MAGI1: variants seen among roughly 807,000 people sequenced by gnomAD.
MAGI1 encodes the protein membrane associated guanylate kinase, WW and PDZ domain containing 1.
A neutral mutation model predicts 139.9 loss-of-function variants in MAGI1; 58 were observed. The observed-to-expected ratio is 0.41, with a 90% CI of 0.34 to 0.52. The LOEUF is 0.52. Ranked by LOEUF, MAGI1 falls within the 20% of genes least tolerant of loss-of-function variation. The probability of loss-of-function intolerance (pLI) is 0.12; values close to 1 mark genes in which losing one functional copy is unlikely to be tolerated. For missense variants in MAGI1, 1,874 were observed against 1,901.6 expected, an observed-to-expected ratio of 0.99 and a Z score of 0.27; for synonymous variants, 812 against 737.9, an observed-to-expected ratio of 1.10 and a Z score of -1.63.
chr3:66,024,383 G>A lies in MAGI1; in HGVS notation c.313+13613C>T, dbSNP rs1172737192. 8.1e-5 allele frequency among the ~76,000 whole-genome samples: 11 copies of A among 136,480 alleles called. No homozygotes were observed. The South Asian group carries it at 2.5e-3, about 31-fold the overall frequency. The allele number at this position is 136,480 out of a possible 152,430, so 89.5% of individuals were successfully genotyped here. ...TTGAAAACCTGAAAAATCTACACTAGAAACACCGGGCCAATGTTCCTACAT... is the reference window on the plus strand; with the variant it reads ...TTGAAAACCTGAAAAATCTACACTAAAAACACCGGGCCAATGTTCCTACAT... On this transcript the variant is annotated intron_variant, in intron 1 of 22. Coordinates refer to ENST00000402939, the MANE Select transcript of MAGI1 (RefSeq NM_001033057.2).
intron 2 of MAGI1, among the ~76,000 whole-genome samples, chr3:65,495,780 G>A (rs1291383968): frequency 6.6e-6 from 1 of 152,072 alleles, no homozygotes; most frequent in Non-Finnish European, 1.5e-5. Flanking sequence ...ATGAGGAAGA[G>A]CCTGGCTAAT....
At chr3:65,379,130 C>A in intron 17 of MAGI1, 131 bp downstream of exon 17, 3 of 1,535,524 alleles carry the variant, frequency 2.0e-6, no homozygotes, top group Non-Finnish European at 2.6e-6. Context: ...CCAATTAAGT[C>A]TTTAATTACC....
chr3:65,975,010 G>T (rs746079624), intron 1 of MAGI1, among the ~76,000 whole-genome samples: 1 of 151,680 alleles, frequency 6.6e-6, no homozygotes. Flanking sequence ...AGTACCATAG[G>T]CAGGGTTATT....
chr3:65,606,819 G>A (rs761679043), intron 2 of MAGI1, among the ~76,000 whole-genome samples: 5 of 151,746 alleles, frequency 3.3e-5, no homozygotes, highest in South Asian at 2.1e-4. Flanking sequence ...CACCCAGCCC[G>A]GCTAATTTTT....
chr3:65,525,321 T>C (rs910566795), intron 2 of MAGI1, among the ~76,000 whole-genome samples: 1 of 152,180 alleles, frequency 6.6e-6, no homozygotes, highest in Non-Finnish European at 1.5e-5. Context: ...CAACCCTCAG[T>C]AGGTTTTTCT....
At chr3:65,920,658 A>G (rs1384373227) in intron 1 of MAGI1, among the ~76,000 whole-genome samples, 1 of 152,210 alleles carries the variant, frequency 6.6e-6, no homozygotes, top group Non-Finnish European at 1.5e-5. Flanking sequence ...TTCACATTTC[A>G]GAAGAAAATG....
intron 1 of MAGI1, among the ~76,000 whole-genome samples, chr3:65,841,231 T>A (rs913985695): frequency 1.3e-5 from 2 of 152,076 alleles, no homozygotes; most frequent in South Asian, 4.1e-4. Flanking sequence ...AAGAACTAGC[T>A]TTTTGTTTCA....
intron 1 of MAGI1, among the ~76,000 whole-genome samples, chr3:65,981,739 G>A: frequency 6.6e-6 from 1 of 152,098 alleles, no homozygotes; most frequent in East Asian, 1.9e-4. Context: ...GGTTTTATAA[G>A]GGGAAACCCC....
intron 1 of MAGI1, among the ~76,000 whole-genome samples, chr3:65,724,220 G>A (rs995978466): frequency 6.6e-6 from 1 of 152,232 alleles, no homozygotes; most frequent in African/African-American, 2.4e-5. Flanking sequence ...TAGTCATGGA[G>A]AGGGATGCTA....
intron 1 of MAGI1, among the ~76,000 whole-genome samples, chr3:65,765,099 T>C (rs2037356615): frequency 6.6e-6 from 1 of 152,218 alleles, no homozygotes; most frequent in Non-Finnish European, 1.5e-5. Flanking sequence ...ATCATGGAAG[T>C]CAATGGATGG....
intron 1 of MAGI1, chr3:65,873,732 G>A (rs796451793): frequency 6.6e-6 from 1 of 152,192 alleles, no homozygotes; most frequent in African/African-American, 2.4e-5. Flanking sequence ...AAAAAGAATC[G>A]CCTTTTCAAC....
chr3:65,449,865 T>G (rs1948920895), intron 6 of MAGI1, among the ~76,000 whole-genome samples: 1 of 152,118 alleles, frequency 6.6e-6, no homozygotes, highest in Admixed American at 6.5e-5. Context: ...CCATGATAAG[T>G]TCTCAACAGA....
At chr3:65,531,992 C>T (rs894355519) in intron 2 of MAGI1, among the ~76,000 whole-genome samples, 1 of 152,152 alleles carries the variant, frequency 6.6e-6, no homozygotes, top group African/African-American at 2.4e-5. Flanking sequence ...CCACTTCTCA[C>T]TCTCTCAGCT....
intron 2 of MAGI1, among the ~76,000 whole-genome samples, chr3:65,524,039 G>A (rs1043196020): frequency 3.9e-5 from 6 of 152,000 alleles, no homozygotes; most frequent in African/African-American, 1.4e-4. Flanking sequence ...GAGGAAAGCA[G>A]AAAGGGAAGG....
rs1015316996 is a variant in MAGI1, at chr3:65,375,434, G to A, written c.3196+311C>T. 5.3e-5 allele frequency among the ~76,000 whole-genome samples: 8 copies of A among 152,128 alleles called. No individual in the cohort carries two copies. The South Asian group carries it at 1.0e-3, about 20-fold the overall frequency. ...GATCTCCTGACCTCATGATCCACCC[G>A]CCTCGGCCTCCCAAAGTGCTGGGAT... On this transcript the variant is annotated intron_variant, in intron 18 of 22. Transcript: ENST00000402939.
intron 2 of MAGI1, among the ~76,000 whole-genome samples, chr3:65,553,720 T>C (rs1480850815): frequency 6.6e-6 from 1 of 152,192 alleles, no homozygotes; most frequent in African/African-American, 2.4e-5. Context: ...GGACTTTCTA[T>C]TTGTTTTTTA....
intron 2 of MAGI1, among the ~76,000 whole-genome samples, chr3:65,554,316 A>G (rs1225768374): frequency 6.6e-6 from 1 of 152,206 alleles, no homozygotes; most frequent in Non-Finnish European, 1.5e-5. Context: ...ATATCCCTAG[A>G]CTAGAGAAGA....
At chr3:65,371,076 T>G (rs1300034070) in intron 18 of MAGI1, among the ~76,000 whole-genome samples, 3 of 152,252 alleles carry the variant, frequency 2.0e-5, no homozygotes, top group African/African-American at 7.2e-5. Context: ...CAGGGAGTAC[T>G]TTCTTTCCTT....
intron 14 of MAGI1, among the ~76,000 whole-genome samples, chr3:65,387,399 T>TTA (rs1943541360): frequency 6.6e-6 from 1 of 151,638 alleles, no homozygotes; most frequent in African/African-American, 2.4e-5. Flanking sequence ...TTTTTTTTTT[T>TTA]ACAGTGCTTT....
Sources: gnomAD v4.1 joint callset for allele counts (sites outside exome capture counted in the v4.1 genomes callset) on GRCh38, gnomAD v4.1.1 for gene constraint, MANE v1.5 for transcripts, NCBI Gene and HGNC (gene_info 2026-07-23, HGNC 2026-07-21) for gene names.